Variants in LIN54 observed in about 807,000 individuals in gnomAD.
LIN54 encodes the protein protein lin-54 homolog.
In LIN54, 9 loss-of-function variants were observed where a neutral mutation model predicts 78.7. The observed-to-expected ratio is 0.11, with a 90% CI of 0.07 to 0.20. The LOEUF (loss-of-function observed/expected upper bound fraction) is 0.20, where lower values mean the gene tolerates loss of function less well. LIN54 is among the 10% of genes least tolerant of loss of function. LIN54 has a pLI of 1.00. For missense variants in LIN54, 573 were observed against 889.9 expected, an observed-to-expected ratio of 0.64 and a Z score of 4.53; for synonymous variants, 269 against 318.4, an observed-to-expected ratio of 0.84 and a Z score of 1.65.
At chr4:82,944,566 G>T (rs1723199557) in intron 5 of LIN54, among the ~76,000 whole-genome samples, 1 of 145,828 alleles carries the variant, frequency 6.9e-6, no homozygotes, top group South Asian at 2.3e-4. Flanking sequence ...AAATATAACT[G>T]CTTGCTATGA....
At chr4:82,996,118 C>CA (rs1426874015) in intron 1 of LIN54, among the ~76,000 whole-genome samples, 4 of 149,976 alleles carry the variant, frequency 2.7e-5, no homozygotes, top group East Asian at 2.0e-4. Flanking sequence ...AACTCCATCT[C>CA]AAAAAAAAAG....
chr4:83,010,887 T>G (rs1729818793), upstream of LIN54: 14 of 1,077,140 alleles, frequency 1.3e-5, no homozygotes, highest in East Asian at 3.5e-4. Flanking sequence ...CACCCACATA[T>G]CCGGGGAAGC....
Position 82,997,524 on chromosome 4 carries a change from C to T in LIN54, c.-32-12648G>A, listed in dbSNP as rs981590563. ...GGGATTATGGGAAATTAATCAAAGA[C>T]CTTGCCCTCAAAGAGCCTAGAAATA... On this transcript the variant is annotated intron_variant, in intron 1 of 12. Transcript: ENST00000340417. 2.0e-5 allele frequency among the ~76,000 whole-genome samples: 3 copies of T among 151,918 alleles called. No individual in the cohort carries two copies. In the South Asian group the frequency reaches 6.2e-4, roughly 32 times the overall value.
chr4:82,961,674 G>GC (rs1553951637), intron 4 of LIN54, among the ~76,000 whole-genome samples: 1 of 152,164 alleles, frequency 6.6e-6, no homozygotes, highest in African/African-American at 2.4e-5. Context: ...CATTAAGAAG[G>GC]CCAGGCGTGG....
At chr4:82,958,990 C>A (rs753884260) in intron 4 of LIN54, among the ~76,000 whole-genome samples, 1 of 152,140 alleles carries the variant, frequency 6.6e-6, no homozygotes, top group Non-Finnish European at 1.5e-5. Flanking sequence ...GCATAAGCCA[C>A]TGTGCCCAGC....
intron 1 of LIN54, among the ~76,000 whole-genome samples, chr4:83,008,512 C>T (rs1309282818): frequency 6.6e-6 from 1 of 152,054 alleles, no homozygotes; most frequent in Admixed American, 6.6e-5. Flanking sequence ...ATTAGCCCGG[C>T]GTGGTGGCGG....
intron 4 of LIN54, among the ~76,000 whole-genome samples, chr4:82,955,363 C>CA (rs200205442): frequency 0.022 from 1,774 of 81,834 alleles, 13 homozygotes; most frequent in Non-Finnish European, 0.027. Flanking sequence ...GACTCCATCT[C>CA]AAAAAAATAA....
At chr4:82,960,870 G>A (rs575754219) in intron 4 of LIN54, among the ~76,000 whole-genome samples, 1 of 152,122 alleles carries the variant, frequency 6.6e-6, no homozygotes, top group African/African-American at 2.4e-5. Context: ...AGACCAGCGT[G>A]GGCAACATGG....
At chr4:82,954,767 T>C (rs1364529470) in intron 4 of LIN54, among the ~76,000 whole-genome samples, 1 of 152,174 alleles carries the variant, frequency 6.6e-6, no homozygotes, top group African/African-American at 2.4e-5. Context: ...TAATGAAGAA[T>C]GGATAGTCTT....
At chr4:83,007,088 G>A (rs370646043) in intron 1 of LIN54, among the ~76,000 whole-genome samples, 15 of 151,926 alleles carry the variant, frequency 9.9e-5, no homozygotes, top group Admixed American at 5.2e-4. Flanking sequence ...TGCAGTGAGC[G>A]GAGATCACAC....
chr4:82,966,534 A>G (rs908363214), intron 4 of LIN54, among the ~76,000 whole-genome samples: 7 of 151,520 alleles, frequency 4.6e-5, no homozygotes, highest in African/African-American at 7.3e-5. Flanking sequence ...GTGAGGGGGG[A>G]AAAAAAACCA....
At position 83,010,565 on chromosome 4, in the gene LIN54, G is replaced by T; in HGVS notation, c.-114C>A. On this transcript the variant is annotated 5_prime_UTR_variant, in exon 1 of 13. Transcript: ENST00000340417. ...TCCTGGGCAATCCCGAGCCCCGGCGGGGCTTGTTTTGCCCGTGCACGATAG... is the reference window on the plus strand; with the variant it reads ...TCCTGGGCAATCCCGAGCCCCGGCGTGGCTTGTTTTGCCCGTGCACGATAG... 1 of 1,216,724 alleles carries T rather than the reference G, an allele frequency of 8.2e-7. No individual in the cohort carries two copies. Among genetic ancestry groups the T allele is most frequent in the South Asian group, 4.3e-5 (1 of 23,494 alleles). The allele number at this position is 1,216,724 out of a possible 1,614,324, so 75.4% of individuals were successfully genotyped here.
upstream of LIN54, chr4:83,012,735 G>T (rs1027783175): frequency 2.0e-5 from 3 of 151,998 alleles, no homozygotes; most frequent in East Asian, 5.9e-4. Flanking sequence ...AGCGGGGGCC[G>T]GTTCCCCCTT....
chr4:83,004,668 T>C (rs1042458036), intron 1 of LIN54, among the ~76,000 whole-genome samples: 2 of 144,834 alleles, frequency 1.4e-5, no homozygotes, highest in African/African-American at 4.9e-5. Context: ...GCCAATTTTC[T>C]TTGTATTTGT....
chr4:82,974,553 G>A (rs538650664), intron 3 of LIN54, among the ~76,000 whole-genome samples: 63 of 151,718 alleles, frequency 4.2e-4, no homozygotes, highest in South Asian at 2.9e-3. Context: ...CCTGGCCAAC[G>A]TGGTGAAACA....
At chr4:82,980,704 G>C (rs1726564184) in intron 2 of LIN54, among the ~76,000 whole-genome samples, 1 of 152,038 alleles carries the variant, frequency 6.6e-6, no homozygotes, top group Non-Finnish European at 1.5e-5. Context: ...TATGTTTACA[G>C]ACTTAAAACC....
intron 5 of LIN54, among the ~76,000 whole-genome samples, chr4:82,942,792 A>G (rs1165035209): frequency 1.3e-5 from 2 of 151,788 alleles, no homozygotes; most frequent in African/African-American, 4.8e-5. Flanking sequence ...CCTGCCTTTC[A>G]TCACATTAAA....
At chr4:82,971,656 A>T (rs550037548) in intron 3 of LIN54, among the ~76,000 whole-genome samples, 1 of 152,318 alleles carries the variant, frequency 6.6e-6, no homozygotes, top group South Asian at 2.1e-4. Context: ...AATCTGTATC[A>T]CATCAAATGC....
chr4:82,985,045 C>G (rs1727000806), intron 1 of LIN54, among the ~76,000 whole-genome samples, 169 bp from the exon 2 acceptor site: 1 of 152,182 alleles, frequency 6.6e-6, no homozygotes, highest in East Asian at 1.9e-4. Context: ...CATCCTCAAC[C>G]TGCAAGAATC....
Sources: allele counts gnomAD v4.1 joint callset (sites outside exome capture counted in the v4.1 genomes callset), GRCh38; gene constraint gnomAD v4.1.1; transcripts MANE v1.5; gene names NCBI Gene and HGNC (gene_info 2026-07-23, HGNC 2026-07-21).